The following NELL2 variants were observed in gnomAD, a reference collection of about 807,000 sequenced individuals.
NELL2 encodes the protein protein kinase C-binding protein NELL2.
NELL2 carries 41 observed loss-of-function variants against 109.6 expected under a neutral mutation model. The ratio of observed to expected loss-of-function variants is 0.37; its 90% CI spans 0.29 to 0.49. The LOEUF (loss-of-function observed/expected upper bound fraction) is 0.49, where lower values mean the gene tolerates loss of function less well. NELL2 is among the 20% of genes least tolerant of loss of function. The pLI is 0.98. For missense variants in NELL2, 900 were observed against 1,008.3 expected, an observed-to-expected ratio of 0.89 and a Z score of 1.45; for synonymous variants, 355 against 344.7, an observed-to-expected ratio of 1.03 and a Z score of -0.33.
intron 13 of NELL2, among the ~76,000 whole-genome samples, chr12:44,653,223 A>G (rs1333780497): frequency 1.3e-5 from 2 of 152,220 alleles, no homozygotes; most frequent in African/African-American, 4.8e-5. Flanking sequence ...TAACTACTTT[A>G]CATGTGTTTT....
intron 1 of NELL2, among the ~76,000 whole-genome samples, chr12:44,890,666 C>G (rs1299236451): frequency 1.3e-5 from 2 of 151,914 alleles, no homozygotes; most frequent in African/African-American, 2.4e-5. Flanking sequence ...TTTTCTCCCC[C>G]CATATCATTG....
chr12:44,570,479 T>TTG (rs1436067236), intron 15 of NELL2, among the ~76,000 whole-genome samples: 5 of 152,210 alleles, frequency 3.3e-5, no homozygotes, highest in Admixed American at 3.3e-4. Flanking sequence ...TCGAAGCCGA[T>TTG]AATTCAGTAC....
chr12:44,794,209 T>C (rs1203506135), intron 3 of NELL2, among the ~76,000 whole-genome samples: 2 of 152,202 alleles, frequency 1.3e-5, no homozygotes, highest in Non-Finnish European at 2.9e-5. Flanking sequence ...TAATCCACTG[T>C]ATGATAGTAC....
At chr12:44,779,145 CT>C (rs1366491934) in intron 5 of NELL2, among the ~76,000 whole-genome samples, 1 of 152,130 alleles carries the variant, frequency 6.6e-6, no homozygotes, top group Non-Finnish European at 1.5e-5. Flanking sequence ...TGAAGAAATT[CT>C]ATGAAGTGTT....
chr12:44,793,926 G>T (rs1384225540), intron 3 of NELL2, among the ~76,000 whole-genome samples: 1 of 152,178 alleles, frequency 6.6e-6, no homozygotes, highest in African/African-American at 2.4e-5. Context: ...TTGTATAGTT[G>T]TAAGTTTTTA....
chr12:44,786,133 A>C (rs879264399), intron 3 of NELL2, among the ~76,000 whole-genome samples: 5 of 152,208 alleles, frequency 3.3e-5, no homozygotes, highest in Admixed American at 6.5e-5. Context: ...TATCCATCTG[A>C]CAAAGGGCTA....
At chr12:44,736,478 C>G (rs113667830) in intron 9 of NELL2, among the ~76,000 whole-genome samples, 3,180 of 151,134 alleles carry the variant, frequency 0.021, 107 homozygotes, top group African/African-American at 0.071. Flanking sequence ...AAATAGTCGT[C>G]AATATAAAAT....
Position 44,624,994 on chromosome 12 carries a change from GTGTATATATATATATATA to G in NELL2, c.1445-14042_1445-14025del, listed in dbSNP as rs1291153429. The stretch of plus-strand genomic sequence containing the variant: ...AGATGACAAATATATATATATGTGT[GTGTATATATATATATATA>G]TATATATATATATATATATATTTCT... On this transcript the variant is annotated intron_variant, in intron 13 of 19. Coordinates refer to ENST00000429094, the MANE Select transcript of NELL2 (RefSeq NM_001145108.2). 2.7e-3 allele frequency among the ~76,000 whole-genome samples: 319 copies of G among 118,692 alleles called. 8 individuals carry two copies. Among genetic ancestry groups the G allele is most frequent in the Admixed American group, 7.9e-3 (84 of 10,568 alleles). 77.9% of individuals were successfully genotyped at this position (118,692 alleles called of 152,430 possible).
At chr12:44,857,184 A>G (rs1240972806) in intron 2 of NELL2, among the ~76,000 whole-genome samples, 1 of 152,198 alleles carries the variant, frequency 6.6e-6, no homozygotes, top group Non-Finnish European at 1.5e-5. Flanking sequence ...GGAACCAGGA[A>G]GAATGGCAAA....
chr12:44,689,834 C>T (rs1287588794), intron 12 of NELL2, among the ~76,000 whole-genome samples: 3 of 152,054 alleles, frequency 2.0e-5, no homozygotes, highest in Non-Finnish European at 4.4e-5. Flanking sequence ...ATGCACAGGA[C>T]AGCCCCACAG....
intron 2 of NELL2, among the ~76,000 whole-genome samples, chr12:44,827,113 C>T (rs1023126093): frequency 2.0e-5 from 3 of 152,126 alleles, no homozygotes; most frequent in Non-Finnish European, 2.9e-5. Context: ...CTGAGTGAAA[C>T]GTATGAGTTC....
At chr12:44,652,061 C>T (rs1449967821) in intron 13 of NELL2, among the ~76,000 whole-genome samples, 1 of 151,982 alleles carries the variant, frequency 6.6e-6, no homozygotes, top group African/African-American at 2.4e-5. Context: ...CAAATAAATC[C>T]CCATTGAGAG....
At chr12:44,697,758 G>A (rs1949108131) in intron 12 of NELL2, among the ~76,000 whole-genome samples, 1 of 152,190 alleles carries the variant, frequency 6.6e-6, no homozygotes. Context: ...ATCATGGACT[G>A]TTAAGCCAAA....
At chr12:44,792,201 C>A (rs542425882) in intron 3 of NELL2, among the ~76,000 whole-genome samples, 1 of 152,144 alleles carries the variant, frequency 6.6e-6, no homozygotes, top group African/African-American at 2.4e-5. Context: ...TTTTAGGGGA[C>A]CCTAAAGCTA....
intron 12 of NELL2, among the ~76,000 whole-genome samples, chr12:44,667,119 T>C (rs1947950710): frequency 6.6e-6 from 1 of 152,234 alleles, no homozygotes; most frequent in Non-Finnish European, 1.5e-5. Context: ...TGTATTTTTA[T>C]TAATTTTTAT....
chr12:44,680,731 T>C (rs1203430533), intron 12 of NELL2, among the ~76,000 whole-genome samples: 1 of 152,118 alleles, frequency 6.6e-6, no homozygotes, highest in African/African-American at 2.4e-5. Flanking sequence ...GCCAGGTCTT[T>C]CTCCATCACA....
intron 3 of NELL2, among the ~76,000 whole-genome samples, chr12:44,788,981 C>G (rs1429802343): frequency 6.6e-6 from 1 of 152,050 alleles, no homozygotes. Context: ...AACCTCACCC[C>G]CAACCCCCAC....
At chr12:44,612,442 C>T (rs1042777863) in intron 13 of NELL2, among the ~76,000 whole-genome samples, 3 of 151,504 alleles carry the variant, frequency 2.0e-5, no homozygotes, top group African/African-American at 7.3e-5. Context: ...TTCCAAATTC[C>T]TGGCTGAATA....
At chr12:44,895,990 T>C (rs144955297) in intron 1 of NELL2, among the ~76,000 whole-genome samples, 4 of 152,306 alleles carry the variant, frequency 2.6e-5, no homozygotes, top group African/African-American at 9.6e-5. Flanking sequence ...TATATTCTGA[T>C]TATTTAGACT....
Sources: gnomAD v4.1 joint callset for allele counts (sites outside exome capture counted in the v4.1 genomes callset) on GRCh38, gnomAD v4.1.1 for gene constraint, MANE v1.5 for transcripts, NCBI Gene and HGNC (gene_info 2026-07-23, HGNC 2026-07-21) for gene names.